The following RPS6KA6 variants were observed in gnomAD, a reference collection of about 807,000 sequenced individuals.
The protein encoded by RPS6KA6 is ribosomal protein S6 kinase alpha-6.
Under a neutral mutation model 65.4 loss-of-function variants are expected in RPS6KA6, and 27 were observed. That is an observed-to-expected ratio of 0.41 (90% CI 0.30 to 0.57). The LOEUF is 0.57. RPS6KA6 is among the 20% of genes least tolerant of loss of function. The pLI is 0.24. For synonymous variants in RPS6KA6, 190 were observed against 184.2 expected, an observed-to-expected ratio of 1.03 and a Z score of -0.26; for missense variants, 486 against 555.6, an observed-to-expected ratio of 0.87 and a Z score of 1.26.
chrX:84,148,758 G>GTGAGATATA (rs1021875394), intron 3 of RPS6KA6, among the ~76,000 whole-genome samples: 2 of 111,495 alleles, frequency 1.8e-5, no homozygotes, highest in African/African-American at 3.3e-5. Flanking sequence ...TGAGTCTTCA[G>GTGAGATATA]TGAGATATAA....
intron 12 of RPS6KA6, among the ~76,000 whole-genome samples, chrX:84,112,552 C>T (rs1431142490): frequency 9.0e-6 from 1 of 111,730 alleles, no homozygotes; most frequent in Non-Finnish European, 1.9e-5. Flanking sequence ...GGAAATGAAA[C>T]AAGTTGCTCA....
At chrX:84,076,963 C>T (rs2033674289) in intron 20 of RPS6KA6, among the ~76,000 whole-genome samples, 1 of 111,046 alleles carries the variant, frequency 9.0e-6, no homozygotes, top group Non-Finnish European at 1.9e-5. Flanking sequence ...CACATTTCTG[C>T]ATACTAGCAA....
At chrX:84,106,602 A>C (rs1439539290) in intron 14 of RPS6KA6, 115 bp from the exon 15 acceptor site, 6 of 567,599 alleles carry the variant, frequency 1.1e-5, no homozygotes, top group Non-Finnish European at 1.3e-5. Flanking sequence ...TTCATTCTAC[A>C]GAAGTTTTAT....
chrX:84,145,042 C>T (rs967591975), intron 6 of RPS6KA6, among the ~76,000 whole-genome samples: 3 of 110,902 alleles, frequency 2.7e-5, no homozygotes, highest in South Asian at 7.5e-4. Flanking sequence ...AGAAAACTTT[C>T]GGGAATGACA....
upstream of RPS6KA6, among the ~76,000 whole-genome samples, chrX:84,188,440 G>A (rs1188373802): frequency 1.8e-5 from 2 of 110,819 alleles, no homozygotes; most frequent in Non-Finnish European, 3.8e-5. Flanking sequence ...TGCTGGGCTG[G>A]GGAGGCGACT....
At chrX:84,167,965 A>T (rs915610636) in intron 1 of RPS6KA6, among the ~76,000 whole-genome samples, 13 of 111,443 alleles carry the variant, frequency 1.2e-4, no homozygotes, top group African/African-American at 4.2e-4. Context: ...AGCATTATTT[A>T]CTCAACTAGC....
intron 3 of RPS6KA6, among the ~76,000 whole-genome samples, chrX:84,149,240 C>T (rs1452452969): frequency 1.8e-5 from 2 of 111,826 alleles, no homozygotes; most frequent in Non-Finnish European, 3.8e-5. Flanking sequence ...TCAGTGATTT[C>T]CTCCAATGAT....
At chrX:84,136,484 A>G (rs1375751421) in intron 6 of RPS6KA6, among the ~76,000 whole-genome samples, 1 of 111,724 alleles carries the variant, frequency 9.0e-6, no homozygotes, top group Admixed American at 9.6e-5. Flanking sequence ...ATTAATTTGA[A>G]TATTATAATG....
chrX:84,155,836 T>G (rs894513384), intron 3 of RPS6KA6, among the ~76,000 whole-genome samples: 1 of 112,288 alleles, frequency 8.9e-6, no homozygotes, highest in African/African-American at 3.2e-5. Context: ...ATGCTATATT[T>G]TTCCCTCAAG....
intron 13 of RPS6KA6, 61 bp from the exon 14 acceptor site, chrX:84,107,101 T>C: frequency 1.0e-6 from 1 of 967,630 alleles, no homozygotes; most frequent in Non-Finnish European, 1.4e-6. Flanking sequence ...ATATAAAGTG[T>C]CAGAATTTCT....
intron 20 of RPS6KA6, among the ~76,000 whole-genome samples, chrX:84,074,481 A>G (rs909819638): frequency 9.0e-6 from 1 of 111,688 alleles, no homozygotes; most frequent in East Asian, 2.8e-4. Context: ...ACGATACTGT[A>G]TTATACATTT....
intron 3 of RPS6KA6, among the ~76,000 whole-genome samples, chrX:84,149,906 G>A (rs894484148): frequency 3.6e-5 from 4 of 111,971 alleles, no homozygotes; most frequent in African/African-American, 1.3e-4. Flanking sequence ...GCTATGAAAG[G>A]CTAGATGGCA....
intron 6 of RPS6KA6, among the ~76,000 whole-genome samples, chrX:84,141,021 C>T (rs2147530087): frequency 9.1e-6 from 1 of 110,242 alleles, no homozygotes; most frequent in African/African-American, 3.3e-5. Context: ...AGCTTAAACA[C>T]AAGGCCCAAA....
chrX:84,163,645 C>CAA (rs1184307765), intron 2 of RPS6KA6, among the ~76,000 whole-genome samples: 864 of 46,626 alleles, frequency 0.019, 11 homozygotes, highest in Middle Eastern at 0.031. Flanking sequence ...GACTCCGTCT[C>CAA]AAAAAAAAAA....
chrX:84,145,532 G>A lies in RPS6KA6; in HGVS notation c.447C>T (p.Tyr149=), dbSNP rs2035183842. Residue 149 remains tyrosine, a synonymous_variant, in exon 6 of 22, where the codon TAC becomes TAT. Coordinates refer to ENST00000262752, the MANE Select transcript of RPS6KA6 (RefSeq NM_014496.5). The stretch of plus-strand genomic sequence containing the variant: ...CTCCCCTGAGAAAATCCAGTATTAA[G>A]TACAGTTTCCCTTCAGTCTGAAAGG... The part of the protein sequence containing the change: ...HYAFQTEGKL[Y]LILDFLRGGD... 8.7e-7 allele frequency: 1 copy of A among 1,143,702 alleles called. No homozygotes were observed. The allele number at this position is 1,143,702 out of a possible 1,213,427, so 94.3% of individuals were successfully genotyped here. A position where few individuals can be genotyped will look rare whatever the true frequency, so the allele number is the denominator to read the frequency against.
At chrX:84,166,335 T>C (rs918703461) in intron 1 of RPS6KA6, among the ~76,000 whole-genome samples, 1 of 111,665 alleles carries the variant, frequency 9.0e-6, no homozygotes, top group Non-Finnish European at 1.9e-5. Context: ...ACTATAACTA[T>C]GCTTTTCTGG....
Position 84,095,784 on chromosome X carries a change from T to C in RPS6KA6, c.1971+410A>G, listed in dbSNP as rs141758753. On this transcript the variant is annotated intron_variant, in intron 20 of 21. Coordinates refer to ENST00000262752, the MANE Select transcript of RPS6KA6 (RefSeq NM_014496.5). ...ATATCCAGGTGCCACAGATACATAG[T>C]CCATTCATTCTCTAAGAATAAGTTA... Among the ~76,000 whole-genome samples the C allele has an allele frequency of 9.7e-3, 1,084 of 111,850 alleles. 17 individuals are homozygous for C. The highest frequency in any genetic ancestry group is 0.034 in the African/African-American group (1,043 of 30,855).
intron 12 of RPS6KA6, among the ~76,000 whole-genome samples, chrX:84,114,364 T>C (rs965678724): frequency 5.5e-5 from 6 of 110,077 alleles, no homozygotes; most frequent in Non-Finnish European, 9.5e-5. Flanking sequence ...GGCATACACC[T>C]GTATCCCCAG....
intron 20 of RPS6KA6, among the ~76,000 whole-genome samples, chrX:84,095,214 T>C (rs1351655589): frequency 3.6e-5 from 4 of 112,165 alleles, no homozygotes; most frequent in Non-Finnish European, 7.5e-5. Flanking sequence ...CTTTGCAATG[T>C]ATTCTACAAA....
Sources: allele counts gnomAD v4.1 joint callset (sites outside exome capture counted in the v4.1 genomes callset), GRCh38; gene constraint gnomAD v4.1.1; transcripts MANE v1.5; gene names NCBI Gene and HGNC (gene_info 2026-07-23, HGNC 2026-07-21).